The following PVT1 variants were observed in gnomAD, a reference collection of about 807,000 sequenced individuals.
PVT1 encodes Pvt1 oncogene.
chr8:127,991,428 G>A (rs1188672805), intron 4 of PVT1, among the ~76,000 whole-genome samples: 1 of 152,104 alleles, frequency 6.6e-6, no homozygotes, highest in African/African-American at 2.4e-5. Flanking sequence ...CTCAGGGACA[G>A]TCACTGAATT....
chr8:127,931,446 C>T (rs1306005950), intron 3 of PVT1, among the ~76,000 whole-genome samples: 2 of 152,216 alleles, frequency 1.3e-5, no homozygotes, highest in Non-Finnish European at 2.9e-5. Flanking sequence ...CTGACTGGCT[C>T]ATCATTGAAA....
chr8:128,069,807 T>C (rs982719318), intron 4 of PVT1, among the ~76,000 whole-genome samples: 3 of 152,238 alleles, frequency 2.0e-5, no homozygotes, highest in Non-Finnish European at 4.4e-5. Flanking sequence ...GCCTGGGTTC[T>C]CTGACTGTAA....
intron 2 of PVT1, among the ~76,000 whole-genome samples, chr8:127,885,477 T>C (rs1815512765): frequency 6.6e-6 from 1 of 152,194 alleles, no homozygotes. Flanking sequence ...GCCTGTTTCC[T>C]GGTTTAGCAA....
intron 4 of PVT1, among the ~76,000 whole-genome samples, chr8:128,025,076 CCTATCCTT>C (rs1207575798): frequency 6.6e-6 from 1 of 152,252 alleles, no homozygotes; most frequent in East Asian, 1.9e-4. Flanking sequence ...CCGGCATCTA[CCTATCCTT>C]CGTTCTGCCT....
intron 4 of PVT1, among the ~76,000 whole-genome samples, chr8:127,997,735 C>T (rs1645059849): frequency 6.6e-6 from 1 of 152,184 alleles, no homozygotes; most frequent in South Asian, 2.1e-4. Flanking sequence ...GGCACATTTG[C>T]CACAATTAAT....
rs1174410728 is a variant in PVT1 at position 127,987,327 on chromosome 8, AG to A, written n.783-1832del. 2.6e-5 allele frequency among the ~76,000 whole-genome samples: 4 copies of A among 152,224 alleles called. No homozygotes were observed. The East Asian group carries it at 5.8e-4, about 22-fold the overall frequency. On this transcript the variant is annotated intron_variant and non_coding_transcript_variant, in intron 3 of 10. Coordinates refer to ENST00000651587, the Ensembl canonical transcript of PVT1. ...TCACAGATGAGTACACTGGAAAGGG[AG>A]GGTTACAGCCAGGCCTGGAGCTGAG...
intron 2 of PVT1, among the ~76,000 whole-genome samples, chr8:127,857,156 G>A (rs1041938213): frequency 3.9e-5 from 6 of 152,094 alleles, no homozygotes; most frequent in Non-Finnish European, 7.4e-5. Flanking sequence ...AACATGGGAG[G>A]AAGAAGTTGC....
chr8:128,041,623 G>A (rs75082394), intron 4 of PVT1, among the ~76,000 whole-genome samples: 1 of 122,666 alleles, frequency 8.2e-6, no homozygotes, highest in Admixed American at 8.5e-5. Flanking sequence ...GTGTGTGTGT[G>A]TGTTGTGTGC....
chr8:128,070,721 T>C (rs1167991120), intron 5 of PVT1, among the ~76,000 whole-genome samples: 1 of 152,194 alleles, frequency 6.6e-6, no homozygotes, highest in Admixed American at 6.5e-5. Context: ...ACTTCCCCTA[T>C]GTCTCAGTGG....
chr8:127,824,696 A>G (rs1814767765), intron 2 of PVT1, among the ~76,000 whole-genome samples: 1 of 152,192 alleles, frequency 6.6e-6, no homozygotes, highest in Non-Finnish European at 1.5e-5. Context: ...CTAATGTAGT[A>G]TTAGTATTTC....
chr8:127,950,818 A>G (rs544916474), intron 3 of PVT1, among the ~76,000 whole-genome samples: 5 of 152,350 alleles, frequency 3.3e-5, no homozygotes, highest in African/African-American at 1.2e-4. Flanking sequence ...CAGTCTGCTC[A>G]GCACTTTTAC....
At chr8:128,092,944 C>T (rs1414466850) in intron 5 of PVT1, among the ~76,000 whole-genome samples, 2 of 152,310 alleles carry the variant, frequency 1.3e-5, no homozygotes, top group Non-Finnish European at 2.9e-5. Flanking sequence ...TTGCTGCGCA[C>T]GGTGCCCCCA....
At chr8:128,081,239 C>T (rs1661139465) in intron 5 of PVT1, among the ~76,000 whole-genome samples, 3 of 152,202 alleles carry the variant, frequency 2.0e-5, no homozygotes, top group Admixed American at 2.0e-4. Flanking sequence ...TAGATATCCA[C>T]AAAATAACTT....
intron 2 of PVT1, among the ~76,000 whole-genome samples, chr8:127,810,028 C>T (rs1481401277): frequency 6.6e-6 from 1 of 152,200 alleles, no homozygotes; most frequent in African/African-American, 2.4e-5. Flanking sequence ...TGCAGTCCCT[C>T]CCCATTTATA....
At chr8:127,892,166 C>T (rs963807977) in intron 3 of PVT1, among the ~76,000 whole-genome samples, 1 of 152,220 alleles carries the variant, frequency 6.6e-6, no homozygotes, top group Non-Finnish European at 1.5e-5. Context: ...CTTTCTCAGA[C>T]AGGCTTCCCT....
chr8:127,980,630 G>A (rs1212428777), intron 3 of PVT1, among the ~76,000 whole-genome samples: 1 of 152,034 alleles, frequency 6.6e-6, no homozygotes, highest in South Asian at 2.1e-4. Context: ...CTTCATTGAC[G>A]TTTGAACTCC....
At chr8:128,029,809 A>C (rs1275430626) in intron 4 of PVT1, among the ~76,000 whole-genome samples, 2 of 152,058 alleles carry the variant, frequency 1.3e-5, no homozygotes, top group African/African-American at 2.4e-5. Context: ...AAAAACAAAC[A>C]AACAAAAAAA....
At chr8:127,932,256 A>AG (rs1049271804) in intron 3 of PVT1, among the ~76,000 whole-genome samples, 7 of 152,180 alleles carry the variant, frequency 4.6e-5, no homozygotes, top group Admixed American at 3.3e-4. Flanking sequence ...TCAAGGAGGC[A>AG]GGGGGTCCAT....
At chr8:127,823,562 A>C (rs1249155965) in intron 2 of PVT1, among the ~76,000 whole-genome samples, 1 of 152,136 alleles carries the variant, frequency 6.6e-6, no homozygotes, top group Non-Finnish European at 1.5e-5. Flanking sequence ...GAATAAGCTC[A>C]TGTTGCTCCT....
Sources: allele counts gnomAD v4.1 joint callset (sites outside exome capture counted in the v4.1 genomes callset), GRCh38; gene constraint gnomAD v4.1.1; transcripts MANE v1.5; gene names NCBI Gene and HGNC (gene_info 2026-07-23, HGNC 2026-07-21).